The following COL20A1 variants were observed in gnomAD, a reference collection of about 807,000 sequenced individuals.
COL20A1 encodes the protein collagen alpha-1(XX) chain.
A neutral mutation model predicts 152.9 loss-of-function variants in COL20A1; 164 were observed. That is an observed-to-expected ratio of 1.07 (90% CI 0.94 to 1.22). The LOEUF (loss-of-function observed/expected upper bound fraction) is 1.22. Ranked by LOEUF, COL20A1 falls within the 50% of genes most tolerant of loss-of-function variation. The pLI is 0.00. For synonymous variants in COL20A1, 864 were observed against 756.0 expected, an observed-to-expected ratio of 1.14 and a Z score of -2.34; for missense variants, 1,873 against 1,744.8, an observed-to-expected ratio of 1.07 and a Z score of -1.31.
intron 30 of COL20A1, 76 bp downstream of exon 30, chr20:63,326,225 G>C (rs1177839989): frequency 1.7e-6 from 2 of 1,191,596 alleles, no homozygotes; most frequent in African/African-American, 1.5e-5. Flanking sequence ...AGGCCAGTCT[G>C]AACACCAGCT....
chr20:63,310,062 T>A, intron 10 of COL20A1, 147 bp downstream of exon 10: 1 of 830,406 alleles, frequency 1.2e-6, no homozygotes, highest in Non-Finnish European at 1.8e-6. Flanking sequence ...GCCCAGGGAC[T>A]CACTGGGGAG....
At chr20:63,303,835 T>TG (rs2067887406) in intron 3 of COL20A1, among the ~76,000 whole-genome samples, 1 of 117,358 alleles carries the variant, frequency 8.5e-6, no homozygotes, top group African/African-American at 3.3e-5. Context: ...GTGCAGGTGC[T>TG]GGCTCCTCCC....
intron 7 of COL20A1, 149 bp from the exon 8 acceptor site, chr20:63,308,393 G>A (rs2067958092): frequency 1.2e-6 from 1 of 827,818 alleles, no homozygotes; most frequent in African/African-American, 1.7e-5. Context: ...TCAACAGGTA[G>A]ACCCTCCCTG....
Position 63,295,247 on chromosome 20 carries a change from G to C in COL20A1, c.82+58G>C, listed in dbSNP as rs959499102. 4.2e-6 allele frequency: 5 copies of C among 1,194,986 alleles called. No homozygotes were observed. The African/African-American group carries it at 7.6e-5, about 18-fold the overall frequency. The allele number at this position is 1,194,986 out of a possible 1,614,324, so 74.0% of individuals were successfully genotyped here. ...CCGAGGCCACGCCTGCCCCACCAGT[G>C]CCCACGCGGGACGAGCCCTCCGCCC... On this transcript the variant is annotated intron_variant, in intron 2 of 35. Transcript: ENST00000358894.
rs891396639 is a variant in COL20A1 at position 63,313,531 on chromosome 20, G to A, written c.2210-212G>A. Among the ~76,000 whole-genome samples, 3 of 152,252 alleles carry A rather than the reference G, an allele frequency of 2.0e-5. No homozygotes were observed. Among genetic ancestry groups the A allele is most frequent in the East Asian group, 1.9e-4 (1 of 5,176 alleles). ...TATGGTGAGGGCCCTGGCAGGTGGC[G>A]TGGTGTGGGTGTGGTGGGGTGCGGT... On this transcript the variant is annotated intron_variant, in intron 17 of 35. Coordinates refer to ENST00000358894, the MANE Select transcript of COL20A1 (RefSeq NM_020882.4). This position sits in a 1 kb window ranked among gnomAD's most constrained non-coding sequence, Gnocchi z 5.9.
At chr20:63,295,321 G>T (rs1487892686) in intron 2 of COL20A1, 132 bp downstream of exon 2, 8 of 631,262 alleles carry the variant, frequency 1.3e-5, no homozygotes, top group Non-Finnish European at 2.0e-5. Context: ...ATTCACAGCA[G>T]CTCCCACAAC....
At chr20:63,308,144 G>A (rs1272810970) in intron 7 of COL20A1, 54 bp downstream of exon 7, 67 of 1,594,610 alleles carry the variant, frequency 4.2e-5, no homozygotes, top group Admixed American at 1.5e-4. Flanking sequence ...TCCTTCTGCC[G>A]CCCTCCCAGA....
At chr20:63,329,558 C>T (rs1399321793) in intron 34 of COL20A1, 27 bp from the exon 35 acceptor site, 11 of 1,593,488 alleles carry the variant, frequency 6.9e-6, no homozygotes, top group African/African-American at 2.7e-5. Context: ...ATTGCTCCGT[C>T]CTCACATGCC....
chr20:63,314,071 G>C lies in COL20A1; in HGVS notation c.2359-1G>C. The stretch of plus-strand genomic sequence containing the variant: ...GGACCAGGCACCCTCCCTTCTCCTA[G>C]GTCTCTGTGCCAGGAGCCAGGAGCC... On this transcript the variant is annotated splice_acceptor_variant, in intron 18 of 35. Transcript: ENST00000358894. LOFTEE classifies it high-confidence loss of function. 6.2e-7 allele frequency: 1 copy of C among 1,612,790 alleles called. No individual in the cohort carries two copies. The highest frequency in any genetic ancestry group is 8.5e-7 in the Non-Finnish European group (1 of 1,179,814).
At position 63,310,501 on chromosome 20, in the gene COL20A1, G is replaced by A; in HGVS notation, c.1384G>A (p.Val462Met). Residue 462 changes from valine to methionine, a missense_variant, in exon 11 of 36, where the codon GTG becomes ATG. By Grantham distance (21) the Val-to-Met change is conservative. Coordinates refer to ENST00000358894, the MANE Select transcript of COL20A1 (RefSeq NM_020882.4). The part of the protein sequence containing the change: ...GGVGEGLRGL[V>M]TTAPLPPPRA... Reference sequence around the variant, plus strand: ...GGTTGGCGAAGGCCTGCGGGGCCTGGTGACCACAGGTAGGTGGGGCAGAGG... The same window carrying A: ...GGTTGGCGAAGGCCTGCGGGGCCTGATGACCACAGGTAGGTGGGGCAGAGG... 1.9e-6 allele frequency: 3 copies of A among 1,597,402 alleles called. No homozygotes were observed. The highest frequency in any genetic ancestry group is 1.7e-6 in the Non-Finnish European group (2 of 1,172,750).
rs1416213750 is a variant in COL20A1 at position 63,322,781 on chromosome 20, AC to A, written c.3294+674del. 2.0e-5 allele frequency among the ~76,000 whole-genome samples: 3 copies of A among 151,982 alleles called. No homozygotes were observed. In the East Asian group the frequency reaches 5.8e-4, roughly 29 times the overall value. On this transcript the variant is annotated intron_variant, in intron 27 of 35. Coordinates refer to ENST00000358894, the MANE Select transcript of COL20A1 (RefSeq NM_020882.4). Reference sequence around the variant, plus strand: ...ATGCAGCAAGGCCGCCCTCCTCCCGACCCCGACACCCACCTCTCCCCCGGCA... The same window carrying A: ...ATGCAGCAAGGCCGCCCTCCTCCCGACCCGACACCCACCTCTCCCCCGGCA...
intron 6 of COL20A1, 58 bp downstream of exon 6, chr20:63,307,706 C>T (rs1033790989): frequency 5.1e-6 from 8 of 1,554,424 alleles, no homozygotes; most frequent in Non-Finnish European, 6.1e-6. Context: ...CACAGCTCTG[C>T]CAGAGGAGGC....
chr20:63,307,437 C>G (rs563222573), intron 5 of COL20A1, 53 bp from the exon 6 acceptor site: 1 of 1,558,240 alleles, frequency 6.4e-7, no homozygotes, highest in African/African-American at 1.3e-5. Flanking sequence ...ATCTGGGGGC[C>G]TTGGACCAGG....
chr20:63,304,627 G>A (rs111510068), intron 3 of COL20A1, among the ~76,000 whole-genome samples: 2 of 142,010 alleles, frequency 1.4e-5, no homozygotes, highest in Non-Finnish European at 1.5e-5. Context: ...CTCCAGCTGC[G>A]CAGATGTGGG....
At chr20:63,301,551 T>C (rs948962476) in intron 3 of COL20A1, among the ~76,000 whole-genome samples, 3 of 152,222 alleles carry the variant, frequency 2.0e-5, no homozygotes, top group African/African-American at 7.2e-5. Flanking sequence ...GTCTTTCTTG[T>C]GGTTGTCTTA....
At position 63,306,994 on chromosome 20, in the gene COL20A1, C is replaced by T. The variant is rs539639790; in HGVS notation, c.497-496C>T. 5.9e-5 allele frequency among the ~76,000 whole-genome samples: 9 copies of T among 152,358 alleles called. No individual in the cohort carries two copies. Among genetic ancestry groups the T allele is most frequent in the Admixed American group, 3.3e-4 (5 of 15,314 alleles). On this transcript the variant is annotated intron_variant, in intron 5 of 35. Transcript: ENST00000358894. This position sits in a 1 kb window ranked among gnomAD's most constrained non-coding sequence, Gnocchi z 6.9. ...TCGGTCGCCCCACGGGGGGCTCCAC[C>T]GTGATGGCTGCTGGCCTCGTTCAGG...
chr20:63,321,199 T>C, intron 26 of COL20A1, 100 bp downstream of exon 26: 1 of 720,186 alleles, frequency 1.4e-6, no homozygotes, highest in Non-Finnish European at 2.4e-6. Flanking sequence ...CCCCGGTCCA[T>C]GCCCCCGTCC....
chr20:63,321,850 A>G (rs2068168436), intron 26 of COL20A1, among the ~76,000 whole-genome samples: 1 of 150,526 alleles, frequency 6.6e-6, no homozygotes. Context: ...GTTTGAACCC[A>G]GAACTGCCTG....
At chr20:63,300,498 A>G (rs2067851323) in intron 3 of COL20A1, among the ~76,000 whole-genome samples, 1 of 152,190 alleles carries the variant, frequency 6.6e-6, no homozygotes, top group South Asian at 2.1e-4. Context: ...ATTAGTTGGC[A>G]TAATGTTTTT....
Sources: gnomAD v4.1 joint callset for allele counts (sites outside exome capture counted in the v4.1 genomes callset) on GRCh38, gnomAD v4.1.1 for gene constraint, Gnocchi (gnomAD v3.1) non-coding constraint, MANE v1.5 for transcripts, NCBI Gene and HGNC (gene_info 2026-07-23, HGNC 2026-07-21) for gene names.